The following MROH2A variants were observed in gnomAD, a reference collection of about 807,000 sequenced individuals.
The protein encoded by MROH2A is maestro heat like repeat family member 2A, also known as maestro heat-like repeat-containing protein family member 2A.
Under a neutral mutation model 200.4 loss-of-function variants are expected in MROH2A, and 174 were observed. The observed-to-expected ratio is 0.87, with a 90% CI of 0.77 to 0.98. The LOEUF (loss-of-function observed/expected upper bound fraction) is 0.98. MROH2A is among the 50% of genes least tolerant of loss of function. The pLI is 0.00. For synonymous variants in MROH2A, 829 were observed against 840.4 expected (o/e 0.99, Z 0.23); for missense variants, 2,045 against 2,139.6 (o/e 0.96, Z 0.87).
rs749788303 is a variant in MROH2A at position 233,828,698 on chromosome 2, T to C, written c.4182T>C (p.Gly1394=). 1.8e-5 allele frequency: 28 copies of C among 1,550,630 alleles called. No individual in the cohort carries two copies. In the Middle Eastern group the frequency reaches 5.0e-4, roughly 28 times the overall value. The change falls in exon 36 of 42, where the codon GGT becomes GGC. Residue 1394 remains glycine (G), a synonymous_variant. Coordinates refer to ENST00000389758, the MANE Select transcript of MROH2A (RefSeq NM_001394639.1). The surrounding 1 kb of genome is among the most constrained non-coding windows in gnomAD (Gnocchi z 4.6). Reference sequence around the variant, plus strand: ...CGGCAGCTTTGCTGCTGGAGAAGGGTGCCGACCAGGAGGAAGACGAGGCCC... The same window carrying C: ...CGGCAGCTTTGCTGCTGGAGAAGGGCGCCGACCAGGAGGAAGACGAGGCCC... ...LKPAALLLEK[G]ADQEEDEALR... is the part of the protein sequence containing the mutation.
At chr2:233,791,717 G>A (rs754384578) in intron 5 of MROH2A, among the ~76,000 whole-genome samples, 5 of 152,186 alleles carry the variant, frequency 3.3e-5, no homozygotes, top group African/African-American at 4.8e-5. Flanking sequence ...GCCTGGCACA[G>A]GGAGAACAAT....
At chr2:233,833,105 G>A in intron 41 of MROH2A, 33 bp from the exon 42 acceptor site, 1 of 1,517,904 alleles carries the variant, frequency 6.6e-7, no homozygotes, top group South Asian at 1.3e-5. Context: ...ACTGGGCGGG[G>A]CCTGAACCTT....
chr2:233,812,179 C>T (rs1163381497), intron 24 of MROH2A, among the ~76,000 whole-genome samples: 1 of 152,228 alleles, frequency 6.6e-6, no homozygotes, highest in East Asian at 1.9e-4. Flanking sequence ...AAGTTGGGTG[C>T]TTCTCCTTGG....
At chr2:233,783,804 T>C (rs953225592) in intron 3 of MROH2A, among the ~76,000 whole-genome samples, 7 of 152,270 alleles carry the variant, frequency 4.6e-5, no homozygotes, top group South Asian at 2.1e-4. Flanking sequence ...CCGCCCAAAG[T>C]GCTGGGGTTA....
intron 35 of MROH2A, among the ~76,000 whole-genome samples, chr2:233,826,218 C>T (rs966486237): frequency 5.3e-5 from 8 of 152,150 alleles, no homozygotes; most frequent in South Asian, 4.1e-4. Context: ...CCACCACGCC[C>T]GACCACCTCT....
intron 3 of MROH2A, among the ~76,000 whole-genome samples, chr2:233,781,722 T>C (rs1700966203): frequency 6.6e-6 from 1 of 152,216 alleles, no homozygotes; most frequent in Non-Finnish European, 1.5e-5. Context: ...AGTTTTTTGC[T>C]TGACATAATC....
At position 233,814,552 on chromosome 2, in the gene MROH2A, C is replaced by T. The variant is rs79860820; in HGVS notation, c.2761-30C>T. The stretch of plus-strand genomic sequence containing the variant: ...GGGGGTTGTGGGTGCCCCTCATTGC[C>T]GCCTATCTCTCTCTCCCTCTTGGCT... On this transcript the variant is annotated intron_variant, in intron 25 of 41. Transcript: ENST00000389758. The T allele has an allele frequency of 4.2e-4, 639 of 1,526,240 alleles. 1 individual carries two copies. The African/African-American group carries it at 7.3e-3, about 17-fold the overall frequency. 94.5% of individuals were successfully genotyped at this position (1,526,240 alleles called of 1,614,324 possible). A position where few individuals can be genotyped will look rare whatever the true frequency, so the allele number is the denominator to read the frequency against.
intron 6 of MROH2A, 30 bp from the exon 7 acceptor site, chr2:233,793,643 C>T: frequency 7.4e-7 from 1 of 1,345,032 alleles, no homozygotes; most frequent in Non-Finnish European, 9.6e-7. Context: ...CCCTCTGGCG[C>T]CAAGTGCATT....
At position 233,791,694 on chromosome 2, in the gene MROH2A, C is replaced by T. The variant is rs112746323; in HGVS notation, c.572-1102C>T. 3.3e-5 allele frequency among the ~76,000 whole-genome samples: 5 copies of T among 152,078 alleles called. No individual in the cohort carries two copies. The East Asian group carries it at 5.8e-4, about 18-fold the overall frequency. On this transcript the variant is annotated intron_variant, in intron 5 of 41. Coordinates refer to ENST00000389758, the MANE Select transcript of MROH2A (RefSeq NM_001394639.1). ...GCTCGGGAGGAGTCGTAAGAGACAG[C>T]GTGGAATGTGAGGCCTGGCACAGGG...
In MROH2A at chr2:233,799,893, C is replaced by A; in HGVS notation, c.1443C>A (p.Tyr481Ter). The change falls in exon 13 of 42, where the codon TAC becomes TAA. Residue 481 changes from tyrosine (Y) to a stop codon, truncating the protein, a stop_gained. Coordinates refer to ENST00000389758, the MANE Select transcript of MROH2A (RefSeq NM_001394639.1). LOFTEE classifies it high-confidence loss of function. The part of the protein sequence containing the change: ...YLSVQLTLST[Y>*]KLTNRREKFY... The stretch of plus-strand genomic sequence containing the variant: ...CTGTGCAGCTGACCTTATCCACCTA[C>A]AAACTGGTGAGTGGCCCTGATACGC... The A allele has an allele frequency of 1.9e-6, 3 of 1,550,478 alleles. No individual in the cohort carries two copies. The highest frequency in any genetic ancestry group is 2.6e-6 in the Non-Finnish European group (3 of 1,146,916).
chr2:233,794,424 A>G lies in MROH2A; in HGVS notation c.884A>G (p.Asp295Gly), dbSNP rs1371988470. 6.5e-7 allele frequency: 1 copy of G among 1,547,476 alleles called. No individual in the cohort carries two copies. The highest frequency in any genetic ancestry group is 2.5e-5 in the East Asian group (1 of 40,642). ...PMLGLLLPND[D>G]LREQVYDYIP... ...CTCGGCCTCCTTCTGCCCAACGATG[A>G]CCTGCGGGAGCAGGTCTACGACTAC... Residue 295 changes from aspartate (D) to glycine (G), a missense_variant, in exon 8 of 42, where the codon GAC (aspartate) becomes GGC (glycine). Coordinates refer to ENST00000389758, the MANE Select transcript of MROH2A (RefSeq NM_001394639.1).
chr2:233,792,559 C>T (rs1350738105), intron 5 of MROH2A, among the ~76,000 whole-genome samples: 2 of 152,122 alleles, frequency 1.3e-5, no homozygotes, highest in African/African-American at 2.4e-5. Flanking sequence ...GTGATCCGCC[C>T]ACCTTGGCCT....
At chr2:233,802,413 C>G (rs1702531224) in intron 15 of MROH2A, 98 bp downstream of exon 15, 1 of 1,341,856 alleles carries the variant, frequency 7.5e-7, no homozygotes, top group Non-Finnish European at 1.0e-6. Context: ...CACCCTCATT[C>G]CCCCTTCTCC....
chr2:233,783,787 A>G (rs1236399532), intron 3 of MROH2A, among the ~76,000 whole-genome samples: 2 of 152,086 alleles, frequency 1.3e-5, no homozygotes, highest in East Asian at 3.9e-4. Context: ...TGATCTGCCC[A>G]CTTCGGCCGC....
intron 13 of MROH2A, 142 bp from the exon 14 acceptor site, chr2:233,800,063 T>G: frequency 8.9e-7 from 1 of 1,118,700 alleles, no homozygotes; most frequent in Non-Finnish European, 1.3e-6. Flanking sequence ...ATGTGTGGGG[T>G]CCTAGATATA....
At chr2:233,776,978 C>G (rs1331109834), upstream of MROH2A, among the ~76,000 whole-genome samples, 1 of 152,192 alleles carries the variant, frequency 6.6e-6, no homozygotes, top group East Asian at 1.9e-4. Flanking sequence ...ACAATGTCCC[C>G]ATCACCCTAG....
rs927109252 is a variant in MROH2A, at chr2:233,823,521, C to T, written c.4005-35C>T. 104 of 1,535,574 alleles carry T rather than the reference C, an allele frequency of 6.8e-5. 2 individuals carry two copies. In the South Asian group the frequency reaches 9.5e-4, roughly 14 times the overall value. On this transcript the variant is annotated intron_variant, in intron 34 of 41. Coordinates refer to ENST00000389758, the MANE Select transcript of MROH2A (RefSeq NM_001394639.1). ...GGCAAACGTCAGGCAGGGGTGGGGC[C>T]GCCTCCACGACCTGGCACTGTCTCT...
chr2:233,823,714 G>A (rs546420424), intron 35 of MROH2A, 50 bp downstream of exon 35: 219 of 1,534,302 alleles, frequency 1.4e-4, no homozygotes, highest in Non-Finnish European at 1.7e-4. Context: ...AGGGGATGGG[G>A]TCCCTGGATT....
At position 233,828,619 on chromosome 2, in the gene MROH2A, C is replaced by T. The variant is rs1390040451; in HGVS notation, c.4114-11C>T. 2 of 1,550,124 alleles carry T rather than the reference C, an allele frequency of 1.3e-6. No homozygotes were observed. Among genetic ancestry groups the T allele is most frequent in the Non-Finnish European group, 1.7e-6 (2 of 1,146,450 alleles). On this transcript the variant is annotated splice_polypyrimidine_tract_variant and intron_variant, in intron 35 of 41. Transcript: ENST00000389758. This position sits in a 1 kb window ranked among gnomAD's most constrained non-coding sequence, Gnocchi z 4.6. ...GCCCTGGGGATAACTGCCCAATGTC[C>T]TCCCTTCCAGTTCATGAGCGGCCCA...
Sources: allele counts gnomAD v4.1 joint callset (sites outside exome capture counted in the v4.1 genomes callset), GRCh38; gene constraint gnomAD v4.1.1; non-coding constraint Gnocchi (gnomAD v3.1); transcripts MANE v1.5; gene names NCBI Gene and HGNC (gene_info 2026-07-23, HGNC 2026-07-21).